SERPINE2: variants seen among roughly 807,000 people sequenced by gnomAD.
The protein encoded by SERPINE2 is serpin family E member 2.
In SERPINE2, 14 loss-of-function variants were observed where a neutral mutation model predicts 36.3. That is an observed-to-expected ratio of 0.39 (90% CI 0.25 to 0.60). SERPINE2 has a LOEUF of 0.60. Ranked by LOEUF, SERPINE2 falls within the 20% of genes least tolerant of loss-of-function variation. The probability of loss-of-function intolerance (pLI) is 0.57; values close to 1 mark genes in which losing one functional copy is unlikely to be tolerated. For synonymous variants in SERPINE2, 192 were observed against 191.8 expected (o/e 1.00, Z -0.01); for missense variants, 418 against 499.6 (o/e 0.84, Z 1.56).
Position 223,991,969 on chromosome 2 carries a change from A to T in SERPINE2, c.519T>A (p.Leu173=), listed in dbSNP as rs758624225. 2 of 1,614,058 alleles carry T rather than the reference A, an allele frequency of 1.2e-6. No homozygotes were observed. The highest frequency in any genetic ancestry group is 1.7e-6 in the Non-Finnish European group (2 of 1,179,964). The part of the protein sequence containing the change: ...DMIDNLLSPD[L]IDGVLTRLVL... ...CCAGTCTGGTGAGCACACCATCAAT[A>T]AGATCTGGGGACAGCAGATTGTCAA... Residue 173 remains leucine (L), a synonymous_variant, in exon 4 of 9, where the codon CTT becomes CTA. Coordinates refer to ENST00000409304, the MANE Select transcript of SERPINE2 (RefSeq NM_001136528.2).
intron 2 of SERPINE2, among the ~76,000 whole-genome samples, chr2:224,000,591 CAT>C (rs769133076): frequency 8.5e-5 from 13 of 152,224 alleles, no homozygotes; most frequent in Middle Eastern, 3.4e-3. Context: ...CATAGGTACA[CAT>C]GTGTCGTGGT....
At chr2:224,002,408 G>C (rs1180312960) in intron 1 of SERPINE2, among the ~76,000 whole-genome samples, 2 of 152,112 alleles carry the variant, frequency 1.3e-5, no homozygotes, top group African/African-American at 4.8e-5. Flanking sequence ...GGTGGGGAGG[G>C]AAAGGAAGCA....
chr2:224,036,190 A>G (rs1456371951), intron 1 of SERPINE2, among the ~76,000 whole-genome samples: 1 of 152,176 alleles, frequency 6.6e-6, no homozygotes, highest in Non-Finnish European at 1.5e-5. Context: ...GACTCGCTTC[A>G]TATTGGTGAG....
At chr2:224,005,332 A>G (rs1691384181) in intron 1 of SERPINE2, among the ~76,000 whole-genome samples, 1 of 151,900 alleles carries the variant, frequency 6.6e-6, no homozygotes, top group Admixed American at 6.6e-5. Context: ...GTCTATGTAC[A>G]GTTTCATAAA....
chr2:224,025,209 C>T (rs1692144258), intron 1 of SERPINE2, among the ~76,000 whole-genome samples: 1 of 152,212 alleles, frequency 6.6e-6, no homozygotes, highest in South Asian at 2.1e-4. Flanking sequence ...AGGGACAGGT[C>T]ACCTGCCCGC....
At chr2:224,018,242 C>T (rs1384247961) in intron 1 of SERPINE2, among the ~76,000 whole-genome samples, 2 of 152,172 alleles carry the variant, frequency 1.3e-5, no homozygotes, top group African/African-American at 4.8e-5. Flanking sequence ...GGCTGCCAAC[C>T]TCATGAATAA....
chr2:224,007,666 C>T lies in SERPINE2; in HGVS notation c.-22-5744G>A, dbSNP rs7584056. On this transcript the variant is annotated intron_variant, in intron 1 of 8. Transcript: ENST00000409304. ...CATTTTTTATAGTATATTTGAATTA[C>T]GATCTAAGTAAGCTCCATACATTGC... is the stretch of plus-strand genomic sequence containing the variant. Among the ~76,000 whole-genome samples, 7 of 152,074 alleles carry T rather than the reference C, an allele frequency of 4.6e-5. 1 individual carries two copies. The South Asian group carries it at 1.2e-3, about 27-fold the overall frequency.
chr2:223,995,722 AT>A (rs1263092059), intron 3 of SERPINE2, among the ~76,000 whole-genome samples: 1 of 152,196 alleles, frequency 6.6e-6, no homozygotes, highest in Non-Finnish European at 1.5e-5. Flanking sequence ...TTGTTCAGAA[AT>A]TTATCAAAAG....
chr2:223,996,532 C>T (rs1284493832), intron 3 of SERPINE2, among the ~76,000 whole-genome samples: 1 of 152,146 alleles, frequency 6.6e-6, no homozygotes, highest in Non-Finnish European at 1.5e-5. Context: ...GCTAATGGGT[C>T]TCCAACATCT....
At chr2:224,015,290 G>A (rs1043016961) in intron 1 of SERPINE2, among the ~76,000 whole-genome samples, 2 of 152,172 alleles carry the variant, frequency 1.3e-5, no homozygotes, top group Non-Finnish European at 2.9e-5. Flanking sequence ...TGACATCGAG[G>A]AGAGTGTGTA....
intron 1 of SERPINE2, among the ~76,000 whole-genome samples, chr2:224,037,149 A>G (rs1318063024): frequency 1.3e-5 from 2 of 152,242 alleles, no homozygotes; most frequent in African/African-American, 2.4e-5. Context: ...AGTATCCAAC[A>G]AAGTACCCAG....
chr2:224,002,996 A>G (rs1691245539), intron 1 of SERPINE2, among the ~76,000 whole-genome samples: 1 of 152,170 alleles, frequency 6.6e-6, no homozygotes, highest in Admixed American at 6.6e-5. Context: ...AAAAGGATAA[A>G]GAGCACAATG....
At chr2:224,016,620 T>C (rs1437839061) in intron 1 of SERPINE2, among the ~76,000 whole-genome samples, 1 of 152,188 alleles carries the variant, frequency 6.6e-6, no homozygotes, top group African/African-American at 2.4e-5. Context: ...AATCCAGCAA[T>C]GCTGGACATT....
At position 223,984,817 on chromosome 2, in the gene SERPINE2, G is replaced by A. The variant is rs370253228; in HGVS notation, c.819C>T (p.Ser273=). The A allele has an allele frequency of 1.2e-6, 2 of 1,613,888 alleles. No individual in the cohort carries two copies. The highest frequency in any genetic ancestry group is 2.7e-5 in the African/African-American group (2 of 74,920). ...TPLSAIIPHI[S]TKTIDSWMSI... ...TCATCCAGCTGTCTATGGTCTTGGTGCTGATGTGTGGGATGATGGCAGACA... is the reference window on the plus strand; with the variant it reads ...TCATCCAGCTGTCTATGGTCTTGGTACTGATGTGTGGGATGATGGCAGACA... Residue 273 remains serine (S), a synonymous_variant, in exon 5 of 9, where the codon AGC becomes AGT. Coordinates refer to ENST00000409304, the MANE Select transcript of SERPINE2 (RefSeq NM_001136528.2).
chr2:224,037,017 A>G (rs1392637219), intron 1 of SERPINE2, among the ~76,000 whole-genome samples: 1 of 152,194 alleles, frequency 6.6e-6, no homozygotes, highest in Admixed American at 6.5e-5. Context: ...ATTTTTCTTT[A>G]TAATTCTACC....
At chr2:223,995,742 C>T (rs993519380) in intron 3 of SERPINE2, among the ~76,000 whole-genome samples, 1 of 152,102 alleles carries the variant, frequency 6.6e-6, no homozygotes, top group African/African-American at 2.4e-5. Flanking sequence ...AGTCTTGCAC[C>T]GTTTCAGAAA....
chr2:224,022,949 C>G (rs1364502090), intron 1 of SERPINE2, among the ~76,000 whole-genome samples: 1 of 152,184 alleles, frequency 6.6e-6, no homozygotes, highest in Non-Finnish European at 1.5e-5. Context: ...CTTGCACTCA[C>G]TCTGTCCTGT....
chr2:224,001,885 G>T lies in SERPINE2; in HGVS notation c.16C>A (p.Pro6Thr). The T allele has an allele frequency of 6.2e-7, 1 of 1,612,858 alleles. No individual in the cohort carries two copies. Among genetic ancestry groups the T allele is most frequent in the Non-Finnish European group, 8.5e-7 (1 of 1,178,890 alleles). MNWHL[P>T]LFLLASVTLP... ...GTCACAGAGGCCAAGAGGAAGAGGG[G>T]GAGATGCCAGTTCATGGTTCCTTCC... Residue 6 changes from proline to threonine, a missense_variant, in exon 2 of 9, where the codon CCC becomes ACC. By Grantham distance (38) the Pro-to-Thr change is conservative (BLOSUM62 -1). Coordinates refer to ENST00000409304, the MANE Select transcript of SERPINE2 (RefSeq NM_001136528.2).
At chr2:223,982,820 G>A (rs768640667) in intron 5 of SERPINE2, 39 bp from the exon 6 acceptor site, 3 of 1,415,938 alleles carry the variant, frequency 2.1e-6, no homozygotes, top group South Asian at 1.2e-5. Flanking sequence ...AAATCACGAG[G>A]CTATAAATGC....
Sources: allele counts gnomAD v4.1 joint callset (sites outside exome capture counted in the v4.1 genomes callset), GRCh38; gene constraint gnomAD v4.1.1; transcripts MANE v1.5; gene names NCBI Gene and HGNC (gene_info 2026-07-23, HGNC 2026-07-21).